The following EFR3B variants were observed in gnomAD, a reference collection of about 807,000 sequenced individuals.
EFR3B encodes the protein EFR3 homolog B, also known as protein EFR3 homolog B.
Under a neutral mutation model 104.7 loss-of-function variants are expected in EFR3B, and 64 were observed. That is an observed-to-expected ratio of 0.61 (90% CI 0.50 to 0.75). The LOEUF (loss-of-function observed/expected upper bound fraction) is 0.75. Ranked by LOEUF, EFR3B falls within the 30% of genes least tolerant of loss-of-function variation. EFR3B has a pLI of 0.00. For synonymous variants in EFR3B, 385 were observed against 417.9 expected (o/e 0.92, Z 0.96); for missense variants, 750 against 1,078.5 (o/e 0.70, Z 4.27).
intron 4 of EFR3B, among the ~76,000 whole-genome samples, chr2:25,110,135 C>G (rs1410395938): frequency 6.6e-6 from 1 of 152,128 alleles, no homozygotes; most frequent in African/African-American, 2.4e-5. Flanking sequence ...GATCTCACCT[C>G]CCTGGGTCTC....
At chr2:25,054,381 G>T (rs563058614) in intron 1 of EFR3B, among the ~76,000 whole-genome samples, 1 of 152,078 alleles carries the variant, frequency 6.6e-6, no homozygotes, top group African/African-American at 2.4e-5. Flanking sequence ...GAGTACAGTG[G>T]CATGATCTCA....
intron 1 of EFR3B, among the ~76,000 whole-genome samples, chr2:25,066,755 C>T (rs978516176): frequency 2.0e-5 from 3 of 152,138 alleles, no homozygotes; most frequent in African/African-American, 7.2e-5. Flanking sequence ...GCACTTGATG[C>T]ATTTTGTGTT....
At chr2:25,076,270 C>T (rs1315742250) in intron 1 of EFR3B, among the ~76,000 whole-genome samples, 1 of 152,138 alleles carries the variant, frequency 6.6e-6, no homozygotes, top group Non-Finnish European at 1.5e-5. Context: ...TAAGGGCTAT[C>T]GTTGCTCCAA....
chr2:25,105,876 C>T (rs1669547787), intron 4 of EFR3B, among the ~76,000 whole-genome samples: 1 of 152,206 alleles, frequency 6.6e-6, no homozygotes, highest in Non-Finnish European at 1.5e-5. Context: ...TGCAGATTCC[C>T]CATCGCAGTG....
At chr2:25,101,969 G>C (rs1182225207) in intron 3 of EFR3B, among the ~76,000 whole-genome samples, 1 of 152,204 alleles carries the variant, frequency 6.6e-6, no homozygotes, top group African/African-American at 2.4e-5. Flanking sequence ...GTAAGTGAAG[G>C]ATGTATGTTT....
chr2:25,042,744 C>A lies in EFR3B; in HGVS notation c.7+425C>A, dbSNP rs1007858856. The A allele has an allele frequency of 3.1e-6, 3 of 975,298 alleles. No individual in the cohort carries two copies. The highest frequency in any genetic ancestry group is 1.8e-5 in the African/African-American group (1 of 57,140). 60.4% of individuals were successfully genotyped at this position (975,298 alleles called of 1,614,324 possible). ...CCCGCGGCCGGTCGTCTGCGCGGCT[C>A]GGAGAAGGCGGGAGGCGGCGCCGGC... On this transcript the variant is annotated intron_variant, in intron 1 of 22. Coordinates refer to ENST00000403714, the MANE Select transcript of EFR3B (RefSeq NM_014971.2). This position sits in a 1 kb window ranked among gnomAD's most constrained non-coding sequence, Gnocchi z 5.4.
chr2:25,107,990 T>C (rs1332723085), intron 4 of EFR3B, among the ~76,000 whole-genome samples: 1 of 152,096 alleles, frequency 6.6e-6, no homozygotes, highest in East Asian at 1.9e-4. Context: ...TGCACCACCA[T>C]GCCTGGCTAG....
intron 5 of EFR3B, among the ~76,000 whole-genome samples, chr2:25,125,752 T>C (rs1417107232): frequency 6.6e-6 from 1 of 152,094 alleles, no homozygotes; most frequent in Non-Finnish European, 1.5e-5. Context: ...ATCGAGACCA[T>C]CCTGGCTAAC....
At chr2:25,151,813 G>A in intron 20 of EFR3B, 101 bp from the exon 21 acceptor site, 1 of 1,331,342 alleles carries the variant, frequency 7.5e-7, no homozygotes, top group Non-Finnish European at 1.0e-6. Flanking sequence ...TCAGAAGAGG[G>A]GAGAGCCCAA....
At chr2:25,145,106 T>C in intron 19 of EFR3B, 55 bp downstream of exon 19, 2 of 1,491,160 alleles carry the variant, frequency 1.3e-6, no homozygotes, top group Non-Finnish European at 1.8e-6. Context: ...GATTGGACGC[T>C]GGACTCCAGG....
chr2:25,076,242 A>C (rs1668631282), intron 1 of EFR3B, among the ~76,000 whole-genome samples: 2 of 152,246 alleles, frequency 1.3e-5, no homozygotes, highest in South Asian at 2.1e-4. Flanking sequence ...CCAAGAATAA[A>C]ATAAAGATAA....
Position 25,123,359 on chromosome 2 carries a change from CA to C in EFR3B, c.485+1579del, listed in dbSNP as rs58615324. Among the ~76,000 whole-genome samples, 822 of 118,220 alleles carry C rather than the reference CA, an allele frequency of 7.0e-3. 5 individuals are homozygous for C. Among genetic ancestry groups the C allele is most frequent in the African/African-American group, 0.019 (568 of 30,120 alleles). The allele number at this position is 118,220 out of a possible 152,430, so 77.6% of individuals were successfully genotyped here. ...TGGGTGACGGAGTGAGACCCTGTCT[CA>C]AAAAAAAAAAAAACAATTAATCACA... On this transcript the variant is annotated intron_variant, in intron 5 of 22. Coordinates refer to ENST00000403714, the MANE Select transcript of EFR3B (RefSeq NM_014971.2).
intron 1 of EFR3B, among the ~76,000 whole-genome samples, chr2:25,086,425 C>T (rs1415293106): frequency 2.6e-5 from 4 of 152,192 alleles, no homozygotes; most frequent in Non-Finnish European, 5.9e-5. Context: ...TGCCAGCATG[C>T]ACTGTTAGTG....
chr2:25,104,246 C>G (rs1418977808), intron 4 of EFR3B, among the ~76,000 whole-genome samples: 1 of 151,980 alleles, frequency 6.6e-6, no homozygotes, highest in Admixed American at 6.6e-5. Flanking sequence ...CACCTGTAAT[C>G]CGATCCCAGC....
At position 25,136,954 on chromosome 2, in the gene EFR3B, T is replaced by G. The variant is rs755227400; in HGVS notation, c.1560+356T>G. 1.3e-5 allele frequency among the ~76,000 whole-genome samples: 2 copies of G among 152,108 alleles called. No homozygotes were observed. Among genetic ancestry groups the G allele is most frequent in the Non-Finnish European group, 2.9e-5 (2 of 68,006 alleles). On this transcript the variant is annotated intron_variant, in intron 14 of 22. Transcript: ENST00000403714. This position sits in a 1 kb window ranked among gnomAD's most constrained non-coding sequence, Gnocchi z 4.0. ...CCTTGGAGCCTGCCTCCTCCCTCTG[T>G]AGCTATGTCTCCTCCCTCTGTAGCT...
chr2:25,090,132 C>T (rs491147), intron 1 of EFR3B, among the ~76,000 whole-genome samples: 7 of 152,266 alleles, frequency 4.6e-5, no homozygotes, highest in African/African-American at 1.7e-4. Flanking sequence ...AATCTTCCCA[C>T]GGCACATTTG....
At chr2:25,119,017 C>G (rs149599625) in intron 4 of EFR3B, among the ~76,000 whole-genome samples, 5 of 152,320 alleles carry the variant, frequency 3.3e-5, no homozygotes, top group African/African-American at 1.2e-4. Context: ...TACACAGTCA[C>G]TACATGCTGG....
At chr2:25,133,705 G>A (rs1198471272) in intron 12 of EFR3B, among the ~76,000 whole-genome samples, 4 of 152,182 alleles carry the variant, frequency 2.6e-5, no homozygotes, top group East Asian at 3.9e-4. Context: ...TCACTCAGAC[G>A]TGATCTGTCT....
intron 6 of EFR3B, among the ~76,000 whole-genome samples, chr2:25,129,467 C>T (rs950883312): frequency 4.6e-5 from 7 of 151,998 alleles, no homozygotes; most frequent in Non-Finnish European, 1.0e-4. Flanking sequence ...CCTCCGGCTC[C>T]TGTTCTGTCC....
Sources: gnomAD v4.1 joint callset for allele counts (sites outside exome capture counted in the v4.1 genomes callset) on GRCh38, gnomAD v4.1.1 for gene constraint, Gnocchi (gnomAD v3.1) non-coding constraint, MANE v1.5 for transcripts, NCBI Gene and HGNC (gene_info 2026-07-23, HGNC 2026-07-21) for gene names.